Variants in STK39 observed in about 807,000 individuals in gnomAD.
STK39 encodes the protein STE20/SPS1-related proline-alanine-rich protein kinase.
STK39 carries 20 observed loss-of-function variants against 77.8 expected under a neutral mutation model. The ratio of observed to expected loss-of-function variants is 0.26; its 90% CI spans 0.18 to 0.37. The LOEUF (loss-of-function observed/expected upper bound fraction) is 0.37, where lower values mean the gene tolerates loss of function less well. Ranked by LOEUF, STK39 falls within the 10% of genes least tolerant of loss-of-function variation. The probability of loss-of-function intolerance (pLI) is 1.00; values close to 1 mark genes in which losing one functional copy is unlikely to be tolerated. For missense variants in STK39, 479 were observed against 656.5 expected, an observed-to-expected ratio of 0.73 and a Z score of 2.95; for synonymous variants, 246 against 234.1, an observed-to-expected ratio of 1.05 and a Z score of -0.47.
intron 16 of STK39, among the ~76,000 whole-genome samples, chr2:168,004,274 A>G (rs1684068074): frequency 6.6e-6 from 1 of 152,208 alleles, no homozygotes; most frequent in East Asian, 1.9e-4. Flanking sequence ...CATACACATA[A>G]ACACAATTTT....
chr2:168,247,233 ACCT>A lies in STK39; in HGVS notation c.200_202del (p.Glu67del). Reference sequence around the variant, plus strand: ...GCCGCGCCCGCCGCACTGACCGATAACCTCCTGCAGCTCGTACGCGTCCCTGCA... The same window carrying A: ...GCCGCGCCCGCCGCACTGACCGATAACCTGCAGCTCGTACGCGTCCCTGCA... On this transcript the variant is annotated inframe_deletion, in exon 1 of 18. Coordinates refer to ENST00000355999, the MANE Select transcript of STK39 (RefSeq NM_013233.3). 1 of 1,181,200 alleles carries A rather than the reference ACCT, an allele frequency of 8.5e-7. No individual in the cohort carries two copies. Among genetic ancestry groups the A allele is most frequent in the Non-Finnish European group, 1.1e-6 (1 of 950,892 alleles). The allele number at this position is 1,181,200 out of a possible 1,614,324, so 73.2% of individuals were successfully genotyped here.
chr2:168,002,704 T>C (rs1684031746), intron 16 of STK39, among the ~76,000 whole-genome samples: 1 of 152,264 alleles, frequency 6.6e-6, no homozygotes, highest in Non-Finnish European at 1.5e-5. Flanking sequence ...GCAAGAATTC[T>C]ATGCATTTTA....
At chr2:168,032,547 AC>A (rs1399188635) in intron 14 of STK39, among the ~76,000 whole-genome samples, 1 of 152,224 alleles carries the variant, frequency 6.6e-6, no homozygotes, top group Non-Finnish European at 1.5e-5. Context: ...AGTTTTTAAG[AC>A]TAGCTTATCT....
chr2:168,027,383 T>C (rs1000312472), intron 14 of STK39, among the ~76,000 whole-genome samples: 4 of 152,206 alleles, frequency 2.6e-5, no homozygotes, highest in African/African-American at 9.6e-5. Flanking sequence ...TGAAAATTCC[T>C]TTCAGCGTGC....
rs964523192 is a variant in STK39 at position 168,231,273 on chromosome 2, A to C, written c.208+15955T>G. Reference sequence around the variant, plus strand: ...CAAATTAATGTCACTTTAGAAAATTAGTCTCATTTCTTCATAGGAGGACTG... The same window carrying C: ...CAAATTAATGTCACTTTAGAAAATTCGTCTCATTTCTTCATAGGAGGACTG... On this transcript the variant is annotated intron_variant, in intron 1 of 17. Coordinates refer to ENST00000355999, the MANE Select transcript of STK39 (RefSeq NM_013233.3). Among the ~76,000 whole-genome samples, 7 of 152,164 alleles carry C rather than the reference A, an allele frequency of 4.6e-5. No homozygotes were observed. In the South Asian group the frequency reaches 1.4e-3, roughly 31 times the overall value.
intron 14 of STK39, among the ~76,000 whole-genome samples, chr2:168,034,444 A>T (rs961788658): frequency 1.3e-5 from 2 of 152,356 alleles, no homozygotes; most frequent in East Asian, 1.9e-4. Flanking sequence ...ACATGCTTAA[A>T]GTGTGTGATC....
chr2:168,160,025 A>G (rs1296062755), intron 5 of STK39, among the ~76,000 whole-genome samples: 1 of 152,198 alleles, frequency 6.6e-6, no homozygotes, highest in Admixed American at 6.5e-5. Context: ...AAGCCAGGAA[A>G]TCTTACCTCG....
At chr2:168,037,236 C>G (rs1335895276) in intron 14 of STK39, among the ~76,000 whole-genome samples, 1 of 152,178 alleles carries the variant, frequency 6.6e-6, no homozygotes. Flanking sequence ...ATACAAAATT[C>G]AATCACTACT....
At chr2:168,168,774 C>T (rs925649740) in intron 2 of STK39, among the ~76,000 whole-genome samples, 5 of 152,146 alleles carry the variant, frequency 3.3e-5, no homozygotes, top group African/African-American at 7.2e-5. Context: ...GCGGATCACC[C>T]GAGGTCAGGA....
chr2:168,198,757 T>C (rs1397700417), intron 1 of STK39, among the ~76,000 whole-genome samples: 2 of 152,230 alleles, frequency 1.3e-5, no homozygotes, highest in East Asian at 3.8e-4. Flanking sequence ...CTAAGTGCTA[T>C]TGGCAAGAGT....
At chr2:168,237,694 G>A (rs1033678857) in intron 1 of STK39, among the ~76,000 whole-genome samples, 4 of 152,130 alleles carry the variant, frequency 2.6e-5, no homozygotes, top group Admixed American at 6.6e-5. Flanking sequence ...GGGACCATAG[G>A]CAAGTTTCTT....
At chr2:168,193,388 G>C (rs1230410559) in intron 1 of STK39, among the ~76,000 whole-genome samples, 1 of 152,254 alleles carries the variant, frequency 6.6e-6, no homozygotes, top group Non-Finnish European at 1.5e-5. Context: ...CACAAGGGAA[G>C]AGGATATGAA....
intron 16 of STK39, among the ~76,000 whole-genome samples, chr2:167,996,759 T>C (rs537056277): frequency 1.3e-5 from 2 of 152,156 alleles, no homozygotes; most frequent in East Asian, 3.9e-4. Context: ...TGGAGATTCT[T>C]GTTATCAAGT....
rs56865790 is a variant in STK39 at position 168,078,741 on chromosome 2, CAA to C, written c.1090-3512_1090-3511del. Among the ~76,000 whole-genome samples, 320 of 86,366 alleles carry C rather than the reference CAA, an allele frequency of 3.7e-3. 4 individuals are homozygous for C. The highest frequency in any genetic ancestry group is 0.012 in the African/African-American group (291 of 25,162). 56.7% of individuals were successfully genotyped at this position (86,366 alleles called of 152,430 possible). ...TCTCAATCTGGCATGTCCATCTGTCCAAAAAAAAAAAAAAAAAAGGAAAGCAC... is the reference window on the plus strand; with the variant it reads ...TCTCAATCTGGCATGTCCATCTGTCCAAAAAAAAAAAAAAAAGGAAAGCAC... On this transcript the variant is annotated intron_variant, in intron 10 of 17. Transcript: ENST00000355999.
At chr2:168,123,665 T>C (rs893246671) in intron 10 of STK39, among the ~76,000 whole-genome samples, 2 of 150,570 alleles carry the variant, frequency 1.3e-5, no homozygotes, top group African/African-American at 4.9e-5. Flanking sequence ...AGGTCAGGAG[T>C]TCAAGAGAGC....
chr2:168,129,667 A>G (rs749766069), intron 9 of STK39, 43 bp downstream of exon 9: 2 of 1,614,018 alleles, frequency 1.2e-6, no homozygotes, highest in East Asian at 2.2e-5. Flanking sequence ...ATACACAGTG[A>G]TTTCAAAAAT....
At chr2:168,146,204 C>T (rs889893570) in intron 5 of STK39, among the ~76,000 whole-genome samples, 3 of 152,192 alleles carry the variant, frequency 2.0e-5, no homozygotes, top group African/African-American at 7.2e-5. Flanking sequence ...CTTGAGCTTA[C>T]AGAACAAATT....
rs942822043 is a variant in STK39, at chr2:168,063,554, T to A, written c.1322A>T (p.Asn441Ile). The change falls in exon 14 of 18, where the codon AAT becomes ATT. Residue 441 changes from asparagine (N) to isoleucine (I), a missense_variant. Physicochemically the swap from Asn to Ile is moderately radical, Grantham distance 149. Around this residue, in one of 3 missense-constraint regions of STK39, gnomAD observed 244 missense variants for 296.8 expected, o/e 0.82. Transcript: ENST00000355999. ...AGAAGAAGCTTCTCTGTAGTCTTCA[T>A]TAGCATTGGGTGGGCCCTTTAAAAA... Reference protein sequence around the residue: ...VHDSQGPPNANEDYREASSCA... With the variant: ...VHDSQGPPNAIEDYREASSCA... 1 of 1,612,966 alleles carries A rather than the reference T, an allele frequency of 6.2e-7. No homozygotes were observed. Among genetic ancestry groups the A allele is most frequent in the African/African-American group, 1.3e-5 (1 of 74,860 alleles).
intron 10 of STK39, among the ~76,000 whole-genome samples, chr2:168,108,714 C>T (rs983180706): frequency 6.6e-6 from 1 of 152,144 alleles, no homozygotes; most frequent in Non-Finnish European, 1.5e-5. Context: ...CTCACTAACC[C>T]TTCTCAATGA....
Sources: gnomAD v4.1 joint callset for allele counts (sites outside exome capture counted in the v4.1 genomes callset) on GRCh38, gnomAD v4.1.1 for gene constraint, gnomAD v4.1.1 regional missense constraint, MANE v1.5 for transcripts, NCBI Gene and HGNC (gene_info 2026-07-23, HGNC 2026-07-21) for gene names.